The following SGCZ variants were observed in gnomAD, a reference collection of about 807,000 sequenced individuals.
The protein encoded by SGCZ is zeta-sarcoglycan.
Under a neutral mutation model 41.3 loss-of-function variants are expected in SGCZ, and 40 were observed. The observed-to-expected ratio is 0.97, with a 90% CI of 0.75 to 1.26. The LOEUF (loss-of-function observed/expected upper bound fraction) is 1.26, where lower values mean the gene tolerates loss of function less well. Among genes scored for constraint, SGCZ ranks in the 50% most tolerant of loss-of-function variants. The pLI, the probability that SGCZ is intolerant of heterozygous loss-of-function variation, is 0.00. For missense variants in SGCZ, 552 were observed against 369.8 expected (o/e 1.49, Z -4.04); for synonymous variants, 206 against 137.5 (o/e 1.50, Z -3.49).
Position 14,978,678 on chromosome 8 carries a change from T to G in SGCZ, c.39+258907A>C, listed in dbSNP as rs144748685. The stretch of plus-strand genomic sequence containing the variant: ...CTTCAAATCTCACTTTCCTTTGCAT[T>G]CTATGCTATGAAATACCTTTCTTTA... On this transcript the variant is annotated intron_variant, in intron 1 of 7. Transcript: ENST00000382080. 9.0e-3 allele frequency among the ~76,000 whole-genome samples: 1,370 copies of G among 152,148 alleles called. 12 individuals carry two copies. The highest frequency in any genetic ancestry group is 0.015 in the Non-Finnish European group (1,006 of 68,008).
intron 1 of SGCZ, among the ~76,000 whole-genome samples, chr8:15,177,566 T>G (rs1197160695): frequency 6.6e-6 from 1 of 152,182 alleles, no homozygotes; most frequent in African/African-American, 2.4e-5. Context: ...AGAAGAAATT[T>G]GCAAAATGTT....
intron 4 of SGCZ, among the ~76,000 whole-genome samples, chr8:14,228,961 G>A (rs1008454099): frequency 6.6e-6 from 1 of 152,122 alleles, no homozygotes; most frequent in African/African-American, 2.4e-5. Flanking sequence ...TAGGACCACA[G>A]CACAGAGCAC....
intron 2 of SGCZ, among the ~76,000 whole-genome samples, chr8:14,483,591 G>A (rs1411858661): frequency 6.6e-6 from 1 of 152,000 alleles, no homozygotes; most frequent in Non-Finnish European, 1.5e-5. Flanking sequence ...CACACAAAAA[G>A]GTATTTGATT....
At chr8:15,037,899 G>A (rs928910103) in intron 1 of SGCZ, among the ~76,000 whole-genome samples, 2 of 151,878 alleles carry the variant, frequency 1.3e-5, no homozygotes, top group Non-Finnish European at 1.5e-5. Flanking sequence ...CCAGAAATAA[G>A]GCTTACCAAT....
intron 3 of SGCZ, among the ~76,000 whole-genome samples, chr8:14,274,065 C>A (rs1221869272): frequency 1.3e-5 from 2 of 151,958 alleles, no homozygotes; most frequent in Admixed American, 6.6e-5. Flanking sequence ...TTCAAATCCC[C>A]TGTTACATGT....
intron 1 of SGCZ, among the ~76,000 whole-genome samples, chr8:14,832,065 A>G (rs1369901286): frequency 6.6e-6 from 1 of 152,328 alleles, no homozygotes; most frequent in African/African-American, 2.4e-5. Context: ...AGCAGTTTCA[A>G]TGAAAACGAC....
intron 1 of SGCZ, among the ~76,000 whole-genome samples, chr8:14,837,155 C>G (rs563992806): frequency 6.6e-6 from 1 of 152,104 alleles, no homozygotes; most frequent in Non-Finnish European, 1.5e-5. Flanking sequence ...AATCATGGAG[C>G]TTTCTCTCCT....
intron 3 of SGCZ, among the ~76,000 whole-genome samples, chr8:14,263,879 G>A (rs1341762152): frequency 6.6e-6 from 1 of 152,250 alleles, no homozygotes; most frequent in Non-Finnish European, 1.5e-5. Flanking sequence ...AAGCGAGAGG[G>A]AAGTAATTGC....
chr8:14,861,777 C>T (rs574005445), intron 1 of SGCZ, among the ~76,000 whole-genome samples: 1 of 152,064 alleles, frequency 6.6e-6, no homozygotes, highest in Admixed American at 6.6e-5. Flanking sequence ...CTAAGCTTCC[C>T]AACATCGAGA....
intron 1 of SGCZ, among the ~76,000 whole-genome samples, chr8:15,126,132 G>T (rs1807672054): frequency 1.3e-5 from 2 of 152,000 alleles, no homozygotes; most frequent in African/African-American, 4.8e-5. Flanking sequence ...GGCAACAGAG[G>T]GAGACGCCAT....
chr8:14,585,900 G>C (rs938541892), intron 1 of SGCZ, among the ~76,000 whole-genome samples: 3 of 152,134 alleles, frequency 2.0e-5, no homozygotes, highest in Non-Finnish European at 4.4e-5. Context: ...CAGTGGTGAA[G>C]TTGGCCACAC....
intron 5 of SGCZ, among the ~76,000 whole-genome samples, chr8:14,115,579 T>A (rs896006320): frequency 8.6e-5 from 13 of 152,032 alleles, no homozygotes; most frequent in African/African-American, 3.1e-4. Context: ...TGTCTTAAGA[T>A]TTGGACATTT....
At chr8:14,802,120 T>G (rs866964285) in intron 1 of SGCZ, among the ~76,000 whole-genome samples, 4 of 152,122 alleles carry the variant, frequency 2.6e-5, no homozygotes, top group Admixed American at 1.3e-4. Context: ...AGCCAGAAGG[T>G]TGAAAATCTT....
intron 1 of SGCZ, among the ~76,000 whole-genome samples, chr8:14,875,615 GT>G (rs767958784): frequency 1.5e-4 from 23 of 152,094 alleles, no homozygotes; most frequent in South Asian, 4.1e-4. Flanking sequence ...TTGGACTGTG[GT>G]TTTCTCATCT....
At chr8:14,711,670 G>C (rs865948076) in intron 1 of SGCZ, among the ~76,000 whole-genome samples, 2 of 149,724 alleles carry the variant, frequency 1.3e-5, no homozygotes, top group African/African-American at 4.9e-5. Flanking sequence ...AAAAGGATAG[G>C]AACATATGTA....
At chr8:14,570,713 A>G (rs1031669339) in intron 1 of SGCZ, among the ~76,000 whole-genome samples, 1 of 152,214 alleles carries the variant, frequency 6.6e-6, no homozygotes, top group Non-Finnish European at 1.5e-5. Flanking sequence ...TTGGAAATGT[A>G]ACAAATATTC....
At position 14,893,732 on chromosome 8, in the gene SGCZ, C is replaced by T. The variant is rs138853541; in HGVS notation, c.40-338806G>A. Reference sequence around the variant, plus strand: ...GCTTTAATGCTGAAAAATATAATAACTTGCCTACCAAAGTCACAGAGACTC... The same window carrying T: ...GCTTTAATGCTGAAAAATATAATAATTTGCCTACCAAAGTCACAGAGACTC... On this transcript the variant is annotated intron_variant, in intron 1 of 7. Transcript: ENST00000382080. Among the ~76,000 whole-genome samples, 1,356 of 152,248 alleles carry T rather than the reference C, an allele frequency of 8.9e-3. 15 individuals are homozygous for T. The highest frequency in any genetic ancestry group is 0.031 in the African/African-American group (1,277 of 41,564).
chr8:14,558,817 G>T (rs1003596662), intron 1 of SGCZ, among the ~76,000 whole-genome samples: 1 of 151,938 alleles, frequency 6.6e-6, no homozygotes, highest in African/African-American at 2.4e-5. Context: ...TACCAGGAAT[G>T]CAGTGATATG....
intron 2 of SGCZ, among the ~76,000 whole-genome samples, chr8:14,434,699 AG>A (rs1176368163): frequency 6.6e-6 from 1 of 152,084 alleles, no homozygotes; most frequent in African/African-American, 2.4e-5. Context: ...GGCTAGGTAT[AG>A]TTCCAAATAT....
Sources: gnomAD v4.1 joint callset for allele counts (sites outside exome capture counted in the v4.1 genomes callset) on GRCh38, gnomAD v4.1.1 for gene constraint, MANE v1.5 for transcripts, NCBI Gene and HGNC (gene_info 2026-07-23, HGNC 2026-07-21) for gene names.